Variants in KANK4 observed in about 807,000 individuals in gnomAD.
KANK4 encodes KN motif and ankyrin repeat domain-containing protein 4.
Under a neutral mutation model 80.8 loss-of-function variants are expected in KANK4, and 50 were observed. The observed-to-expected ratio is 0.62, with a 90% CI of 0.49 to 0.78. The LOEUF (loss-of-function observed/expected upper bound fraction) is 0.78. Among genes scored for constraint, KANK4 ranks in the 30% least tolerant of loss-of-function variants. The probability of loss-of-function intolerance (pLI) is 0.00; values close to 1 mark genes in which losing one functional copy is unlikely to be tolerated. For synonymous variants in KANK4, 465 were observed against 506.9 expected (o/e 0.92, Z 1.11); for missense variants, 1,196 against 1,240.1 (o/e 0.96, Z 0.53).
At chr1:62,259,786 TTATAAA>T (rs1451218550) in intron 7 of KANK4, among the ~76,000 whole-genome samples, 3 of 149,184 alleles carry the variant, frequency 2.0e-5, no homozygotes, top group Admixed American at 6.7e-5. Flanking sequence ...TTAATATAAT[TTATAAA>T]TATAATTTAT....
intron 2 of KANK4, among the ~76,000 whole-genome samples, chr1:62,276,929 C>T (rs1301941477): frequency 6.6e-6 from 1 of 152,210 alleles, no homozygotes; most frequent in African/African-American, 2.4e-5. Context: ...TGACTCACTG[C>T]TGGTCTCCAC....
intron 1 of KANK4, among the ~76,000 whole-genome samples, chr1:62,298,412 A>G (rs1644384937): frequency 6.6e-6 from 1 of 152,180 alleles, no homozygotes; most frequent in Non-Finnish European, 1.5e-5. Context: ...AGATCTTGTT[A>G]ACATGCAGAT....
At chr1:62,251,985 C>T (rs1468634638) in intron 8 of KANK4, among the ~76,000 whole-genome samples, 1 of 105,956 alleles carries the variant, frequency 9.4e-6, no homozygotes, top group African/African-American at 3.2e-5. Context: ...GAGTGAGACT[C>T]CGTTTCAAAA....
chr1:62,293,211 C>A (rs1672722069), intron 1 of KANK4, among the ~76,000 whole-genome samples: 3 of 151,860 alleles, frequency 2.0e-5, no homozygotes. Flanking sequence ...CCTCAGCCTC[C>A]TGAGTAGCTG....
In KANK4 at chr1:62,273,232, T is replaced by C. The variant is rs7516290; in HGVS notation, c.1872A>G (p.Pro624=). 0.7 allele frequency: 1,064,403 copies of C among 1,513,760 alleles called. 377,034 individuals carry two copies. The highest frequency in any genetic ancestry group is 0.86 in the African/African-American group (61,797 of 71,828). The allele number at this position is 1,513,760 out of a possible 1,614,324, so 93.8% of individuals were successfully genotyped here. The stretch of plus-strand genomic sequence containing the variant: ...CTGGCGGGGAGGAGGAGGAGGCCGG[T>C]GGCTCCTTGGGTGGGTGAGCCTGGG... ...YSAQAHPPKE[P]PASSSSPPVE... Residue 624 remains proline, a synonymous_variant, in exon 3 of 10, where the codon CCA becomes CCG. Transcript: ENST00000371153.
chr1:62,277,329 T>C (rs1672336432), intron 2 of KANK4, among the ~76,000 whole-genome samples: 1 of 152,142 alleles, frequency 6.6e-6, no homozygotes, highest in South Asian at 2.1e-4. Context: ...AATGAACAAA[T>C]AGGGACTTGC....
At chr1:62,261,117 C>T (rs1467448955) in intron 7 of KANK4, among the ~76,000 whole-genome samples, 1 of 150,114 alleles carries the variant, frequency 6.7e-6, no homozygotes, top group Non-Finnish European at 1.5e-5. Flanking sequence ...AGAGCTCCAA[C>T]TCACCTCACC....
chr1:62,260,406 G>T (rs1489935788), intron 7 of KANK4, among the ~76,000 whole-genome samples: 2 of 151,434 alleles, frequency 1.3e-5, no homozygotes, highest in Admixed American at 1.3e-4. Context: ...CTGTCTCTCT[G>T]TCTCTCATTC....
At chr1:62,296,180 A>G (rs4915606) in intron 1 of KANK4, among the ~76,000 whole-genome samples, 100,847 of 152,122 alleles carry the variant, frequency 0.66, 33,814 homozygotes, top group East Asian at 0.88. Flanking sequence ...AGCACGAAGC[A>G]AAAGTCTTAA....
In KANK4 at chr1:62,307,771, T is replaced by C. The variant is rs1644464960; in HGVS notation, c.-71+11335A>G. On this transcript the variant is annotated intron_variant, in intron 1 of 9. Coordinates refer to ENST00000371153, the MANE Select transcript of KANK4 (RefSeq NM_181712.5). ...TTGCCAGACCTGATTTTTTTTTTTT[T>C]TCAAAAGAAGCTAGACATGTAGATT... Among the ~76,000 whole-genome samples, 7 of 152,188 alleles carry C rather than the reference T, an allele frequency of 4.6e-5. No individual in the cohort carries two copies. In the South Asian group the frequency reaches 1.5e-3, roughly 32 times the overall value.
At chr1:62,275,138 A>G (rs1482317859) in intron 2 of KANK4, 51 bp from the exon 3 acceptor site, 2 of 1,412,732 alleles carry the variant, frequency 1.4e-6, no homozygotes, top group South Asian at 2.7e-5. Context: ...TTAATTAAGC[A>G]TTACAGGGCG....
At chr1:62,284,492 T>C (rs6587965) in intron 1 of KANK4, among the ~76,000 whole-genome samples, 48,467 of 151,976 alleles carry the variant, frequency 0.32, 8,297 homozygotes, top group East Asian at 0.65. Context: ...CTAATTTTTG[T>C]ATTTTTAGTA....
Position 62,274,727 on chromosome 1 carries a change from C to G in KANK4, c.377G>C (p.Ser126Thr), listed in dbSNP as rs1234165737. The G allele has an allele frequency of 1.7e-5, 27 of 1,614,058 alleles. No homozygotes were observed. The Admixed American group carries it at 3.8e-4, about 23-fold the overall frequency. ...TGCCAACAGAGCCTTCCTGTGGTAG[C>G]TCACCTCACTCCTGCTTGTTGAGGC... ...PQASTSRSEV[S>T]YHRKALLAEA... The change falls in exon 3 of 10, where the codon AGC becomes ACC. Residue 126 changes from serine to threonine, a missense_variant. Ser to Thr is a moderately conservative substitution (Grantham distance 58). Transcript: ENST00000371153.
At chr1:62,240,452 C>G (rs1671309444) in intron 9 of KANK4, among the ~76,000 whole-genome samples, 1 of 152,124 alleles carries the variant, frequency 6.6e-6, no homozygotes, top group Admixed American at 6.5e-5. Context: ...GGTGGATCAC[C>G]TGAGGTTGGG....
At chr1:62,243,088 G>T (rs756468357) in intron 9 of KANK4, among the ~76,000 whole-genome samples, 1 of 152,096 alleles carries the variant, frequency 6.6e-6, no homozygotes, top group Non-Finnish European at 1.5e-5. Flanking sequence ...CCACTGTGCC[G>T]GCTGGGCTTT....
rs116215532 is a variant in KANK4 at position 62,251,357 on chromosome 1, C to G, written c.2682+1710G>C. On this transcript the variant is annotated intron_variant, in intron 8 of 9. Coordinates refer to ENST00000371153, the MANE Select transcript of KANK4 (RefSeq NM_181712.5). ...GCATCCACAAAACTGTAGCAGGCTACCTTGTTAGCTTTAACGTGGGGTAAA... is the reference window on the plus strand; with the variant it reads ...GCATCCACAAAACTGTAGCAGGCTAGCTTGTTAGCTTTAACGTGGGGTAAA... 1.4e-3 allele frequency among the ~76,000 whole-genome samples: 209 copies of G among 152,270 alleles called. 1 individual carries two copies. Among genetic ancestry groups the G allele is most frequent in the African/African-American group, 5.0e-3 (207 of 41,552 alleles).
intron 1 of KANK4, among the ~76,000 whole-genome samples, chr1:62,285,404 G>A (rs149062268): frequency 0.021 from 3,265 of 152,162 alleles, 62 homozygotes; most frequent in South Asian, 0.078. Context: ...GCATTTATCC[G>A]CACCCTCTCC....
At chr1:62,242,182 C>T (rs1353195104) in intron 9 of KANK4, among the ~76,000 whole-genome samples, 1 of 151,770 alleles carries the variant, frequency 6.6e-6, no homozygotes, top group South Asian at 2.1e-4. Context: ...GCAAAATTTG[C>T]GTGTAACTTC....
chr1:62,238,614 C>A (rs950998973), intron 9 of KANK4, among the ~76,000 whole-genome samples: 3 of 151,174 alleles, frequency 2.0e-5, no homozygotes, highest in Non-Finnish European at 2.9e-5. Flanking sequence ...AAAGAAGGGC[C>A]ATCTAGTTTT....
Sources: gnomAD v4.1 joint callset for allele counts (sites outside exome capture counted in the v4.1 genomes callset) on GRCh38, gnomAD v4.1.1 for gene constraint, MANE v1.5 for transcripts, NCBI Gene and HGNC (gene_info 2026-07-23, HGNC 2026-07-21) for gene names.